RBMS3: variants seen among roughly 807,000 people sequenced by gnomAD.
The protein encoded by RBMS3 is RNA-binding motif, single-stranded-interacting protein 3.
In RBMS3, 27 loss-of-function variants were observed where a neutral mutation model predicts 66.8. The ratio of observed to expected loss-of-function variants is 0.40; its 90% confidence interval spans 0.30 to 0.56. The LOEUF (loss-of-function observed/expected upper bound fraction) is 0.56. Among genes scored for constraint, RBMS3 ranks in the 20% least tolerant of loss-of-function variants. The probability of loss-of-function intolerance (pLI) is 0.40; values close to 1 mark genes in which losing one functional copy is unlikely to be tolerated. For synonymous variants in RBMS3, 188 were observed against 183.0 expected (o/e 1.03, Z -0.22); for missense variants, 513 against 549.5 (o/e 0.93, Z 0.66).
chr3:29,522,947 C>T (rs564469465), intron 3 of RBMS3, among the ~76,000 whole-genome samples: 172 of 152,244 alleles, frequency 1.1e-3, no homozygotes, highest in Non-Finnish European at 2.0e-3. Flanking sequence ...GCAGCATTGT[C>T]GGTGTAACAG....
At chr3:29,955,336 T>C (rs1695961129) in intron 12 of RBMS3, among the ~76,000 whole-genome samples, 1 of 152,034 alleles carries the variant, frequency 6.6e-6, no homozygotes, top group Non-Finnish European at 1.5e-5. Flanking sequence ...TTTAAACATA[T>C]GGTCCTGTGT....
chr3:29,998,715 G>A (rs748072944), intron 14 of RBMS3, among the ~76,000 whole-genome samples: 3 of 152,198 alleles, frequency 2.0e-5, no homozygotes, highest in African/African-American at 4.8e-5. Flanking sequence ...CTAGCCATAT[G>A]TAGAAAGCTG....
At chr3:29,500,255 A>G (rs1334078854) in intron 3 of RBMS3, among the ~76,000 whole-genome samples, 1 of 151,490 alleles carries the variant, frequency 6.6e-6, no homozygotes, top group Admixed American at 6.6e-5. Flanking sequence ...TATTGGTAAT[A>G]CTATTTCTTT....
chr3:29,521,570 C>G (rs1349575177), intron 3 of RBMS3, among the ~76,000 whole-genome samples: 1 of 152,110 alleles, frequency 6.6e-6, no homozygotes, highest in East Asian at 1.9e-4. Context: ...AACTGGCATA[C>G]CAGAAAATTG....
In RBMS3 at chr3:29,376,299, G is replaced by A. The variant is rs566717411; in HGVS notation, c.76-58444G>A. 4.6e-5 allele frequency among the ~76,000 whole-genome samples: 7 copies of A among 152,198 alleles called. No individual in the cohort carries two copies. In the East Asian group the frequency reaches 7.7e-4, roughly 17 times the overall value. On this transcript the variant is annotated intron_variant, in intron 1 of 14. Coordinates refer to ENST00000383767, the MANE Select transcript of RBMS3 (RefSeq NM_001003793.3). ...TCTGCAGCAAACCACTCTGGAGCAC[G>A]TTTAACAATGTAACACACCTGCACA...
chr3:29,504,062 C>T (rs2044086190), intron 3 of RBMS3, among the ~76,000 whole-genome samples: 1 of 152,116 alleles, frequency 6.6e-6, no homozygotes, highest in South Asian at 2.1e-4. Context: ...GCTAACTGCA[C>T]ACATGTGGAA....
At chr3:29,527,275 C>A (rs1209490691) in intron 3 of RBMS3, among the ~76,000 whole-genome samples, 1 of 143,276 alleles carries the variant, frequency 7.0e-6, no homozygotes. Context: ...TACTAAAATA[C>A]AGAATTACAA....
chr3:29,802,540 ATCG>A (rs770952096), intron 6 of RBMS3, among the ~76,000 whole-genome samples: 39 of 152,324 alleles, frequency 2.6e-4, no homozygotes, highest in East Asian at 2.1e-3. Context: ...TTTAACATGC[ATCG>A]TCCAAAGAAC....
chr3:29,527,923 AT>A, intron 3 of RBMS3, among the ~76,000 whole-genome samples: 1 of 151,866 alleles, frequency 6.6e-6, no homozygotes, highest in South Asian at 2.1e-4. Flanking sequence ...TAATAAAAAA[AT>A]AAATAAATAA....
chr3:29,807,885 T>G (rs1029787707), intron 6 of RBMS3, among the ~76,000 whole-genome samples: 2 of 151,896 alleles, frequency 1.3e-5, no homozygotes, highest in East Asian at 1.9e-4. Context: ...TCTTCCTCTT[T>G]TTTCCTCCAG....
At chr3:29,940,392 T>C (rs1257545000) in intron 11 of RBMS3, among the ~76,000 whole-genome samples, 1 of 151,936 alleles carries the variant, frequency 6.6e-6, no homozygotes, top group South Asian at 2.1e-4. Context: ...AAGATTAAGA[T>C]AGGATTCTAA....
At chr3:29,476,547 T>G (rs1369017184) in intron 2 of RBMS3, among the ~76,000 whole-genome samples, 1 of 152,210 alleles carries the variant, frequency 6.6e-6, no homozygotes, top group Non-Finnish European at 1.5e-5. Context: ...AGGATTGATC[T>G]TTTGGAGTGA....
chr3:29,478,440 G>C (rs77844131), intron 2 of RBMS3, among the ~76,000 whole-genome samples: 6,373 of 151,994 alleles, frequency 0.042, 168 homozygotes, highest in Admixed American at 0.097. Flanking sequence ...TTCGTAAGGG[G>C]ACTAATCACA....
At chr3:29,995,430 CT>C (rs988589309) in intron 14 of RBMS3, among the ~76,000 whole-genome samples, 2 of 151,978 alleles carry the variant, frequency 1.3e-5, no homozygotes, top group African/African-American at 4.8e-5. Flanking sequence ...AAAGATACTC[CT>C]CGAGAAGAGC....
chr3:29,647,536 A>G (rs56293466), intron 4 of RBMS3, among the ~76,000 whole-genome samples: 44,267 of 152,152 alleles, frequency 0.29, 6,645 homozygotes, highest in Middle Eastern at 0.36. Flanking sequence ...AAATATGCTG[A>G]AATAATTCAG....
At chr3:29,540,134 C>A (rs1477814196) in intron 3 of RBMS3, among the ~76,000 whole-genome samples, 1 of 152,152 alleles carries the variant, frequency 6.6e-6, no homozygotes, top group Admixed American at 6.5e-5. Context: ...AACTACCATG[C>A]ACTTAAGTAT....
chr3:29,787,320 TC>T (rs1440788559), intron 6 of RBMS3, among the ~76,000 whole-genome samples: 1 of 151,882 alleles, frequency 6.6e-6, no homozygotes, highest in Non-Finnish European at 1.5e-5. Flanking sequence ...GATTTAGCAA[TC>T]CCCCTACTAC....
intron 3 of RBMS3, among the ~76,000 whole-genome samples, chr3:29,511,496 G>A (rs1355291868): frequency 6.6e-6 from 1 of 152,040 alleles, no homozygotes; most frequent in Non-Finnish European, 1.5e-5. Context: ...CATGGTATTT[G>A]TTGGTGCCTC....
chr3:29,732,199 C>T (rs2054168459), intron 4 of RBMS3, among the ~76,000 whole-genome samples: 2 of 152,280 alleles, frequency 1.3e-5, no homozygotes, highest in East Asian at 1.9e-4. Context: ...TTCCAGTCTA[C>T]AGGCTGTCAG....
Sources: gnomAD v4.1 joint callset for allele counts (sites outside exome capture counted in the v4.1 genomes callset) on GRCh38, gnomAD v4.1.1 for gene constraint, MANE v1.5 for transcripts, NCBI Gene and HGNC (gene_info 2026-07-23, HGNC 2026-07-21) for gene names.